The following DAAM2 variants were observed in gnomAD, a reference collection of about 807,000 sequenced individuals.
DAAM2 encodes the protein disheveled-associated activator of morphogenesis 2.
In DAAM2, 39 loss-of-function variants were observed where a neutral mutation model predicts 120.7. That is an observed-to-expected ratio of 0.32 (90% CI 0.25 to 0.42). DAAM2 has a LOEUF of 0.42. Ranked by LOEUF, DAAM2 falls within the 10% of genes least tolerant of loss-of-function variation. The pLI, the probability that DAAM2 is intolerant of heterozygous loss-of-function variation, is 1.00. For missense variants in DAAM2, 1,283 were observed against 1,401.7 expected (o/e 0.92, Z 1.35); for synonymous variants, 488 against 524.9 (o/e 0.93, Z 0.96).
chr6:39,854,864 C>T (rs1763939992), intron 1 of DAAM2, among the ~76,000 whole-genome samples: 1 of 152,048 alleles, frequency 6.6e-6, no homozygotes, highest in Non-Finnish European at 1.5e-5. Context: ...AGGACTGTCC[C>T]CTGAGAGTAT....
At chr6:39,841,091 G>C (rs1763310816) in intron 1 of DAAM2, among the ~76,000 whole-genome samples, 1 of 103,386 alleles carries the variant, frequency 9.7e-6, no homozygotes, top group Non-Finnish European at 2.1e-5. Flanking sequence ...GCTCCAGGGG[G>C]AGGGGTTCCA....
At chr6:39,889,777 T>C (rs932578481) in intron 17 of DAAM2, among the ~76,000 whole-genome samples, 2 of 152,222 alleles carry the variant, frequency 1.3e-5, no homozygotes, top group African/African-American at 4.8e-5. Context: ...ACATGTATTA[T>C]ATGCTGTATT....
chr6:39,872,883 CCTGGGGACATTTGCAATGT>C (rs1049525300), intron 9 of DAAM2, among the ~76,000 whole-genome samples: 55 of 152,266 alleles, frequency 3.6e-4, no homozygotes, highest in African/African-American at 1.1e-3. Context: ...CTCCTCTCCC[CCTGGGGACATTTGCAATGT>C]CTGGGGACAT....
intron 1 of DAAM2, among the ~76,000 whole-genome samples, chr6:39,805,848 G>A (rs867154932): frequency 2.0e-5 from 3 of 152,066 alleles, no homozygotes; most frequent in Admixed American, 6.5e-5. Flanking sequence ...CACCGTGCCC[G>A]GCCCCTAAGG....
At chr6:39,841,383 CA>C (rs1334992840) in intron 1 of DAAM2, among the ~76,000 whole-genome samples, 2 of 46,918 alleles carry the variant, frequency 4.3e-5, no homozygotes, top group African/African-American at 1.9e-4. Context: ...GGGAGGGTTC[CA>C]GGGGGGAGGG....
chr6:39,860,980 C>G lies in DAAM2; in HGVS notation c.221C>G (p.Pro74Arg). The change falls in exon 3 of 25, where the codon CCT becomes CGT. Residue 74 changes from proline to arginine, a missense_variant. This residue lies in a region of DAAM2 where 197 missense variants were observed against 189.3 expected (regional missense o/e 1.04). Transcript: ENST00000274867. ...KNREAMFALP[P>R]EKKWQIYCSK... ...CGAGAGGCTATGTTTGCACTGCCCC[C>G]TGAGAAGAAATGGCAGATCTACTGC... 1 of 1,613,074 alleles carries G rather than the reference C, an allele frequency of 6.2e-7. No individual in the cohort carries two copies. Among genetic ancestry groups the G allele is most frequent in the Non-Finnish European group, 8.5e-7 (1 of 1,179,594 alleles).
intron 6 of DAAM2, chr6:39,868,121 C>T (rs1764505528): frequency 6.8e-6 from 3 of 440,164 alleles, no homozygotes; most frequent in African/African-American, 2.0e-5. Flanking sequence ...TATTGGCCTG[C>T]ATTATTTTTG....
At chr6:39,818,391 T>C (rs1762379182) in intron 1 of DAAM2, among the ~76,000 whole-genome samples, 1 of 152,076 alleles carries the variant, frequency 6.6e-6, no homozygotes. Flanking sequence ...CAACAATATT[T>C]GACTAAGCAC....
chr6:39,879,616 A>G (rs746013665), intron 14 of DAAM2, 139 bp downstream of exon 14: 10 of 1,174,216 alleles, frequency 8.5e-6, no homozygotes, highest in Non-Finnish European at 1.1e-5. Flanking sequence ...ATGTGGATGT[A>G]CAAAGTGGGT....
chr6:39,806,275 A>C (rs1762007598), intron 1 of DAAM2, among the ~76,000 whole-genome samples: 2 of 152,222 alleles, frequency 1.3e-5, no homozygotes, highest in Admixed American at 1.3e-4. Flanking sequence ...TTGGGAGTAG[A>C]AGGACATTGT....
intron 1 of DAAM2, among the ~76,000 whole-genome samples, chr6:39,845,488 C>G (rs1322228580): frequency 6.8e-6 from 1 of 146,692 alleles, no homozygotes; most frequent in Non-Finnish European, 1.5e-5. Flanking sequence ...ACATATACCA[C>G]ACATGCGCAT....
chr6:39,855,210 G>A (rs940160869), intron 1 of DAAM2, among the ~76,000 whole-genome samples: 2 of 152,216 alleles, frequency 1.3e-5, no homozygotes, highest in African/African-American at 4.8e-5. Flanking sequence ...TGTCAGGAAC[G>A]AGTGGTTGAG....
chr6:39,887,637 AGGGGGT>A, intron 16 of DAAM2, 45 bp downstream of exon 16: 1 of 1,369,384 alleles, frequency 7.3e-7, no homozygotes, highest in Non-Finnish European at 1.0e-6. Context: ...TGGGGGACAA[AGGGGGT>A]GGAGGAACGG....
At chr6:39,838,964 T>A (rs1471762384) in intron 1 of DAAM2, among the ~76,000 whole-genome samples, 1 of 122,884 alleles carries the variant, frequency 8.1e-6, no homozygotes, top group African/African-American at 4.3e-5. Context: ...TGGCCAGGAC[T>A]TTCAGTTTTA....
At chr6:39,807,464 G>C (rs1307912446) in intron 1 of DAAM2, among the ~76,000 whole-genome samples, 3 of 152,108 alleles carry the variant, frequency 2.0e-5, no homozygotes, top group African/African-American at 7.2e-5. Flanking sequence ...GCACATAGGG[G>C]CTTCATTTAT....
intron 1 of DAAM2, among the ~76,000 whole-genome samples, chr6:39,795,126 C>G (rs866393338): frequency 5.9e-5 from 9 of 152,294 alleles, no homozygotes; most frequent in South Asian, 2.1e-4. Context: ...GACATTGAAG[C>G]CTTCTCATGG....
rs550802512 is a variant in DAAM2 at position 39,815,436 on chromosome 6, C to T, written c.-57+22971C>T. On this transcript the variant is annotated intron_variant, in intron 1 of 24. Coordinates refer to ENST00000274867, the MANE Select transcript of DAAM2 (RefSeq NM_001201427.2). ...GAGCAAGTGGCATAAATTCCCTCTG[C>T]TGCAGACCTCTTATCCCTAATATGA... Among the ~76,000 whole-genome samples, 20 of 152,324 alleles carry T rather than the reference C, an allele frequency of 1.3e-4. No individual in the cohort carries two copies. The South Asian group carries it at 1.9e-3, about 14-fold the overall frequency.
chr6:39,821,137 C>T (rs572404307), intron 1 of DAAM2: 25 of 152,410 alleles, frequency 1.6e-4, no homozygotes, highest in African/African-American at 5.8e-4. Context: ...TTTCCACCCA[C>T]CTCGGGCTCT....
intron 2 of DAAM2, among the ~76,000 whole-genome samples, chr6:39,857,065 C>T (rs749753070): frequency 5.3e-5 from 8 of 152,188 alleles, no homozygotes; most frequent in Non-Finnish European, 8.8e-5. Flanking sequence ...GTGCTGATTC[C>T]GCAATGCCCG....
Sources: gnomAD v4.1 joint callset for allele counts (sites outside exome capture counted in the v4.1 genomes callset) on GRCh38, gnomAD v4.1.1 for gene constraint, gnomAD v4.1.1 regional missense constraint, MANE v1.5 for transcripts, NCBI Gene and HGNC (gene_info 2026-07-23, HGNC 2026-07-21) for gene names.